ARHGAP28: variants seen among roughly 807,000 people sequenced by gnomAD.
ARHGAP28 encodes Rho GTPase activating protein 28, also known as rho GTPase-activating protein 28.
ARHGAP28 carries 56 observed loss-of-function variants against 90.7 expected under a neutral mutation model. The observed-to-expected ratio is 0.62, with a 90% CI of 0.50 to 0.77. The LOEUF (loss-of-function observed/expected upper bound fraction) is 0.77. Ranked by LOEUF, ARHGAP28 falls within the 30% of genes least tolerant of loss-of-function variation. The pLI, the probability that ARHGAP28 is intolerant of heterozygous loss-of-function variation, is 0.00. For missense variants in ARHGAP28, 869 were observed against 900.9 expected, an observed-to-expected ratio of 0.96 and a Z score of 0.45; for synonymous variants, 308 against 323.3, an observed-to-expected ratio of 0.95 and a Z score of 0.51.
intron 9 of ARHGAP28, chr18:6,875,106 C>A (rs2057120906): frequency 6.6e-6 from 1 of 152,180 alleles, no homozygotes; most frequent in South Asian, 2.1e-4. Flanking sequence ...GACGATTCAG[C>A]ACATGAGTTT....
At chr18:6,887,715 G>A (rs1822352749) in intron 12 of ARHGAP28, among the ~76,000 whole-genome samples, 1 of 152,106 alleles carries the variant, frequency 6.6e-6, no homozygotes, top group African/African-American at 2.4e-5. Context: ...GAGCCACCAC[G>A]CCCGGGCGGT....
intron 1 of ARHGAP28, among the ~76,000 whole-genome samples, chr18:6,764,403 C>T (rs767082837): frequency 1.2e-4 from 19 of 152,196 alleles, no homozygotes; most frequent in Admixed American, 3.9e-4. Context: ...TTTCAGGCAT[C>T]GCCTAGGGGT....
At position 6,729,723 on chromosome 18, in the gene ARHGAP28, G is replaced by T. The variant is rs1023679083; in HGVS notation, c.-99G>T. The T allele has an allele frequency of 8.1e-7, 1 of 1,233,300 alleles. No homozygotes were observed. Among genetic ancestry groups the T allele is most frequent in the Non-Finnish European group, 1.0e-6 (1 of 972,000 alleles). The allele number at this position is 1,233,300 out of a possible 1,614,324, so 76.4% of individuals were successfully genotyped here. On this transcript the variant is annotated 5_prime_UTR_variant, in exon 1 of 18. Transcript: ENST00000383472. The stretch of plus-strand genomic sequence containing the variant: ...GGGAGAGAGCGGCTGGTCGCACCTC[G>T]GGCCGCGCCGCCCAGCTGCTGACAG...
chr18:6,765,718 G>A (rs2056194898), intron 1 of ARHGAP28, among the ~76,000 whole-genome samples: 2 of 152,054 alleles, frequency 1.3e-5, no homozygotes, highest in South Asian at 4.1e-4. Context: ...AATTGATTTT[G>A]TATCTCTCTT....
intron 17 of ARHGAP28, among the ~76,000 whole-genome samples, chr18:6,911,660 T>A (rs1279585192): frequency 1.3e-5 from 2 of 152,042 alleles, no homozygotes; most frequent in African/African-American, 4.8e-5. Flanking sequence ...GGTCTCAAAC[T>A]CCTAACCTCA....
At chr18:6,782,259 G>A (rs940461942) in intron 1 of ARHGAP28, among the ~76,000 whole-genome samples, 1 of 152,040 alleles carries the variant, frequency 6.6e-6, no homozygotes, top group African/African-American at 2.4e-5. Context: ...GGGTAGAAGA[G>A]TGTTCACTGT....
intron 12 of ARHGAP28, among the ~76,000 whole-genome samples, chr18:6,888,492 A>G (rs1179727161): frequency 6.6e-6 from 1 of 152,126 alleles, no homozygotes; most frequent in East Asian, 1.9e-4. Flanking sequence ...CAATTATAAT[A>G]TATGTCGGTC....
chr18:6,744,517 A>T (rs2056005759), intron 1 of ARHGAP28, among the ~76,000 whole-genome samples: 1 of 152,178 alleles, frequency 6.6e-6, no homozygotes, highest in Admixed American at 6.5e-5. Context: ...ACACATTTTT[A>T]GACCTGTGCT....
intron 1 of ARHGAP28, among the ~76,000 whole-genome samples, chr18:6,778,311 T>G (rs1255460731): frequency 6.6e-6 from 1 of 152,222 alleles, no homozygotes; most frequent in Non-Finnish European, 1.5e-5. Context: ...TAAAATGTCC[T>G]GGAAACTTTA....
At chr18:6,730,221 G>GTA (rs55890039) in intron 1 of ARHGAP28, 3,842 of 172,960 alleles carry the variant, frequency 0.022, 75 homozygotes, top group African/African-American at 0.036. Context: ...TAAGTCATGT[G>GTA]TATATATATA....
chr18:6,757,318 A>G (rs1439269431), intron 1 of ARHGAP28, among the ~76,000 whole-genome samples: 1 of 152,176 alleles, frequency 6.6e-6, no homozygotes, highest in Non-Finnish European at 1.5e-5. Flanking sequence ...AATAGGGGGC[A>G]GGGCAGTGTT....
chr18:6,772,302 A>G (rs892811374), intron 1 of ARHGAP28, among the ~76,000 whole-genome samples: 3 of 152,174 alleles, frequency 2.0e-5, no homozygotes, highest in African/African-American at 4.8e-5. Flanking sequence ...GTAAGGTCAT[A>G]TTTATTACAT....
chr18:6,882,835 A>G (rs987382784), intron 11 of ARHGAP28, among the ~76,000 whole-genome samples: 1 of 152,252 alleles, frequency 6.6e-6, no homozygotes. Context: ...TTACAAAGTC[A>G]TATAGATTAG....
At chr18:6,730,221 G>GTGTATA (rs146889070) in intron 1 of ARHGAP28, 8 of 175,046 alleles carry the variant, frequency 4.6e-5, no homozygotes, top group South Asian at 2.3e-4. Flanking sequence ...TAAGTCATGT[G>GTGTATA]TATATATATA....
At chr18:6,856,331 A>G (rs1471482403) in intron 4 of ARHGAP28, among the ~76,000 whole-genome samples, 1 of 152,206 alleles carries the variant, frequency 6.6e-6, no homozygotes, top group Non-Finnish European at 1.5e-5. Flanking sequence ...TATACCCATT[A>G]TTATAGCAAT....
At chr18:6,827,343 G>A (rs1371163343) in intron 2 of ARHGAP28, among the ~76,000 whole-genome samples, 2 of 149,036 alleles carry the variant, frequency 1.3e-5, no homozygotes, top group Admixed American at 6.6e-5. Flanking sequence ...CCTCCCGGAC[G>A]GGGCGGCTGG....
At chr18:6,753,874 A>G (rs2056088959) in intron 1 of ARHGAP28, among the ~76,000 whole-genome samples, 1 of 152,194 alleles carries the variant, frequency 6.6e-6, no homozygotes, top group Non-Finnish European at 1.5e-5. Flanking sequence ...TCTTAAAGGA[A>G]TCTAATTGTA....
chr18:6,775,400 A>G (rs1383818489), intron 1 of ARHGAP28, among the ~76,000 whole-genome samples: 1 of 152,226 alleles, frequency 6.6e-6, no homozygotes, highest in African/African-American at 2.4e-5. Flanking sequence ...CAAAAAGTCA[A>G]GTCTTCTTTG....
chr18:6,751,270 T>C (rs1486095184), intron 1 of ARHGAP28, among the ~76,000 whole-genome samples: 1 of 151,952 alleles, frequency 6.6e-6, no homozygotes, highest in African/African-American at 2.4e-5. Flanking sequence ...TTAATCTACG[T>C]CAGGTTCCAC....
Sources: gnomAD v4.1 joint callset for allele counts (sites outside exome capture counted in the v4.1 genomes callset) on GRCh38, gnomAD v4.1.1 for gene constraint, MANE v1.5 for transcripts, NCBI Gene and HGNC (gene_info 2026-07-23, HGNC 2026-07-21) for gene names.